DIPK1A: variants seen among roughly 807,000 people sequenced by gnomAD.
The protein encoded by DIPK1A is family with sequence similarity 69 member A.
A neutral mutation model predicts 40.8 loss-of-function variants in DIPK1A; 27 were observed. The observed-to-expected ratio is 0.66, with a 90% CI of 0.49 to 0.91. The LOEUF (loss-of-function observed/expected upper bound fraction) is 0.91. Among genes scored for constraint, DIPK1A ranks in the 40% least tolerant of loss-of-function variants. The probability of loss-of-function intolerance (pLI) is 0.00; values close to 1 mark genes in which losing one functional copy is unlikely to be tolerated. For missense variants in DIPK1A, 412 were observed against 505.7 expected, an observed-to-expected ratio of 0.81 and a Z score of 1.78; for synonymous variants, 166 against 171.3, an observed-to-expected ratio of 0.97 and a Z score of 0.24.
intron 1 of DIPK1A, among the ~76,000 whole-genome samples, chr1:92,891,295 G>GTT (rs984889839): frequency 9.4e-5 from 14 of 149,058 alleles, no homozygotes; most frequent in Non-Finnish European, 1.3e-4. Context: ...ATCTTTTGTG[G>GTT]TTTTTTTTTA....
chr1:92,931,532 A>T (rs1032439987), intron 1 of DIPK1A: 2 of 155,468 alleles, frequency 1.3e-5, no homozygotes, highest in African/African-American at 2.4e-5. Context: ...GTTCAAGATC[A>T]ATCTGGCCAA....
At chr1:92,835,517 A>T (rs1234088653) in intron 4 of DIPK1A, among the ~76,000 whole-genome samples, 1 of 151,524 alleles carries the variant, frequency 6.6e-6, no homozygotes, top group Non-Finnish European at 1.5e-5. Flanking sequence ...AAAAAAAGCC[A>T]GGCATGATGG....
intron 1 of DIPK1A, among the ~76,000 whole-genome samples, chr1:92,946,790 A>G (rs1310837330): frequency 6.6e-6 from 1 of 152,108 alleles, no homozygotes; most frequent in Non-Finnish European, 1.5e-5. Flanking sequence ...AAAAAAATAC[A>G]AAAATTGGCC....
At chr1:92,884,619 T>C (rs1386604203) in intron 1 of DIPK1A, among the ~76,000 whole-genome samples, 1 of 152,202 alleles carries the variant, frequency 6.6e-6, no homozygotes, top group Non-Finnish European at 1.5e-5. Flanking sequence ...AGGCCTAACA[T>C]GCCACATTGG....
At chr1:92,883,492 C>CTAAG (rs1648473651) in intron 1 of DIPK1A, among the ~76,000 whole-genome samples, 2 of 152,190 alleles carry the variant, frequency 1.3e-5, no homozygotes, top group Non-Finnish European at 2.9e-5. Context: ...GATGACTAAG[C>CTAAG]TAAGCTCTTT....
chr1:92,924,437 CT>C (rs1208765726), intron 1 of DIPK1A, among the ~76,000 whole-genome samples: 1 of 151,964 alleles, frequency 6.6e-6, no homozygotes, highest in East Asian at 1.9e-4. Flanking sequence ...CAGGGCGCCA[CT>C]ATATAACCCG....
intron 1 of DIPK1A, among the ~76,000 whole-genome samples, chr1:92,905,437 A>G (rs1649583995): frequency 6.6e-6 from 1 of 152,168 alleles, no homozygotes; most frequent in Non-Finnish European, 1.5e-5. Context: ...TTCTTCTAAG[A>G]AACATTATTC....
At chr1:92,917,127 A>C (rs190858147) in intron 1 of DIPK1A, among the ~76,000 whole-genome samples, 11 of 152,314 alleles carry the variant, frequency 7.2e-5, no homozygotes, top group Non-Finnish European at 1.2e-4. Context: ...CAGTGTTGCA[A>C]TAATATTCTA....
At chr1:92,921,339 T>C (rs1485974603) in intron 1 of DIPK1A, among the ~76,000 whole-genome samples, 2 of 152,102 alleles carry the variant, frequency 1.3e-5, no homozygotes, top group African/African-American at 2.4e-5. Context: ...TTGTGAACGA[T>C]GTCCCAGAAA....
chr1:92,900,164 G>C (rs537168563), intron 1 of DIPK1A, among the ~76,000 whole-genome samples: 154 of 152,238 alleles, frequency 1.0e-3, no homozygotes, highest in African/African-American at 3.5e-3. Flanking sequence ...CCTCAGTCTT[G>C]GGAAGTTTTC....
intron 1 of DIPK1A, among the ~76,000 whole-genome samples, chr1:92,889,551 A>G (rs1648762997): frequency 6.6e-6 from 1 of 152,050 alleles, no homozygotes; most frequent in African/African-American, 2.4e-5. Context: ...TGGTATTTTG[A>G]TAGGGATTGC....
chr1:92,841,881 A>G (rs778432203), downstream of DIPK1A: 2 of 1,595,674 alleles, frequency 1.3e-6, no homozygotes, highest in South Asian at 1.1e-5. Context: ...GCAATTTTCT[A>G]TGATTTTTTC....
intron 2 of DIPK1A, among the ~76,000 whole-genome samples, chr1:92,855,474 G>A (rs1034235506): frequency 3.3e-5 from 5 of 152,052 alleles, no homozygotes; most frequent in African/African-American, 1.2e-4. Flanking sequence ...CAGGGCAGGA[G>A]GACTGCTTGA....
At chr1:92,934,766 C>T (rs541583231) in intron 1 of DIPK1A, among the ~76,000 whole-genome samples, 4 of 152,170 alleles carry the variant, frequency 2.6e-5, no homozygotes, top group Admixed American at 2.0e-4. Flanking sequence ...TGCTCTGCAC[C>T]ACAAAATTAA....
intron 4 of DIPK1A, among the ~76,000 whole-genome samples, chr1:92,844,951 T>C (rs1366022758): frequency 7.2e-6 from 1 of 139,664 alleles, no homozygotes; most frequent in East Asian, 2.1e-4. Flanking sequence ...TTTTTTTTTT[T>C]TTTTTTTTTT....
chr1:92,928,751 C>T (rs1402458913), intron 1 of DIPK1A, among the ~76,000 whole-genome samples: 2 of 152,156 alleles, frequency 1.3e-5, no homozygotes, highest in Admixed American at 1.3e-4. Context: ...CGCTTGAGCT[C>T]AGGGGTTTGA....
intron 1 of DIPK1A, chr1:92,877,067 G>A (rs1648165011): frequency 1.0e-6 from 1 of 984,828 alleles, no homozygotes; most frequent in South Asian, 4.7e-5. Context: ...GACTGGAGAA[G>A]GGTTAAGATA....
intron 1 of DIPK1A, among the ~76,000 whole-genome samples, chr1:92,943,829 G>A (rs1651264431): frequency 6.6e-6 from 1 of 152,096 alleles, no homozygotes; most frequent in Non-Finnish European, 1.5e-5. Context: ...CAGTTACCTA[G>A]TCCTTCTTTC....
intron 1 of DIPK1A, among the ~76,000 whole-genome samples, chr1:92,877,732 A>T (rs986280723): frequency 5.3e-5 from 8 of 152,236 alleles, no homozygotes; most frequent in African/African-American, 1.9e-4. Context: ...AAGAAAGTTC[A>T]GATTAAACTC....
Sources: gnomAD v4.1 joint callset for allele counts (sites outside exome capture counted in the v4.1 genomes callset) on GRCh38, gnomAD v4.1.1 for gene constraint, MANE v1.5 for transcripts, NCBI Gene and HGNC (gene_info 2026-07-23, HGNC 2026-07-21) for gene names.